The following RANBP17 variants were observed in gnomAD, a reference collection of about 807,000 sequenced individuals.
The protein encoded by RANBP17 is ran-binding protein 17.
RANBP17 carries 158 observed loss-of-function variants against 141.2 expected under a neutral mutation model. The observed-to-expected ratio is 1.12, with a 90% CI of 0.98 to 1.28. RANBP17 has a LOEUF of 1.28. Among genes scored for constraint, RANBP17 ranks in the 50% most tolerant of loss-of-function variants. The pLI, the probability that RANBP17 is intolerant of heterozygous loss-of-function variation, is 0.00. For synonymous variants in RANBP17, 430 were observed against 450.0 expected (o/e 0.96, Z 0.56); for missense variants, 1,438 against 1,290.7 (o/e 1.11, Z -1.75).
At chr5:171,249,176 C>A (rs1385394539) in intron 24 of RANBP17, among the ~76,000 whole-genome samples, 1 of 152,178 alleles carries the variant, frequency 6.6e-6, no homozygotes, top group African/African-American at 2.4e-5. Flanking sequence ...ATGCTACTTA[C>A]AACCAAAGAA....
intron 3 of RANBP17, 93 bp downstream of exon 3, chr5:170,881,989 A>G (rs985947822): frequency 2.9e-6 from 2 of 694,466 alleles, no homozygotes; most frequent in Admixed American, 3.2e-5. Flanking sequence ...CAAATTTTTT[A>G]TGTCTGTCAT....
intron 14 of RANBP17, among the ~76,000 whole-genome samples, chr5:171,104,851 G>C (rs1197303823): frequency 6.6e-6 from 1 of 152,152 alleles, no homozygotes; most frequent in Non-Finnish European, 1.5e-5. Context: ...GGATGTTTCT[G>C]TTGATGATGT....
At chr5:171,082,447 C>A (rs1388004993) in intron 14 of RANBP17, among the ~76,000 whole-genome samples, 1 of 152,030 alleles carries the variant, frequency 6.6e-6, no homozygotes, top group Non-Finnish European at 1.5e-5. Flanking sequence ...GAGGATGATC[C>A]TTAGGCAATC....
chr5:171,055,527 A>T (rs1476061005), intron 14 of RANBP17, among the ~76,000 whole-genome samples: 1 of 152,198 alleles, frequency 6.6e-6, no homozygotes, highest in Non-Finnish European at 1.5e-5. Flanking sequence ...TATGCTTTTT[A>T]AATTGGCTTT....
chr5:171,088,574 A>C (rs866321197), intron 14 of RANBP17, among the ~76,000 whole-genome samples: 25 of 152,184 alleles, frequency 1.6e-4, no homozygotes, highest in South Asian at 4.2e-4. Context: ...ACTTGTTTCC[A>C]TTCTCCCCGT....
At chr5:170,996,863 A>T (rs1561969243) in intron 14 of RANBP17, among the ~76,000 whole-genome samples, 1 of 152,160 alleles carries the variant, frequency 6.6e-6, no homozygotes, top group Non-Finnish European at 1.5e-5. Context: ...ACCCAATTAC[A>T]GTTAAGTCCC....
At chr5:171,072,065 G>T (rs1016180501) in intron 14 of RANBP17, among the ~76,000 whole-genome samples, 1 of 151,988 alleles carries the variant, frequency 6.6e-6, no homozygotes, top group Non-Finnish European at 1.5e-5. Context: ...GAAGAATAAT[G>T]CCCCCACACC....
chr5:171,169,582 A>G (rs184882388), intron 14 of RANBP17, among the ~76,000 whole-genome samples: 3 of 152,316 alleles, frequency 2.0e-5, no homozygotes, highest in Non-Finnish European at 2.9e-5. Context: ...CAGTGTCAAC[A>G]TGAAAAGTAA....
intron 14 of RANBP17, among the ~76,000 whole-genome samples, chr5:171,081,214 A>G (rs1039723623): frequency 7.2e-5 from 11 of 152,134 alleles, no homozygotes; most frequent in Admixed American, 5.2e-4. Flanking sequence ...TTTCTTCGGT[A>G]GTGGTATCTC....
Position 171,186,694 on chromosome 5 carries a change from G to A in RANBP17, c.2038+3264G>A, listed in dbSNP as rs927395362. Among the ~76,000 whole-genome samples, 9 of 149,844 alleles carry A rather than the reference G, an allele frequency of 6.0e-5. No homozygotes were observed. The South Asian group carries it at 6.5e-4, about 11-fold the overall frequency. On this transcript the variant is annotated intron_variant, in intron 18 of 27. Coordinates refer to ENST00000523189, the MANE Select transcript of RANBP17 (RefSeq NM_022897.5). ...TGGGACTACAGGCGCCCGCCACTAC[G>A]CCCGGCTAATTTTTTGTATTTTTAG...
rs1362608328 is a variant in RANBP17 at position 170,911,228 on chromosome 5, A to AT, written c.760+96dup. On this transcript the variant is annotated intron_variant, in intron 7 of 27. Transcript: ENST00000523189. Reference sequence around the variant, plus strand: ...ATGTATAGTTATCTTTTTGCCAGGAATTAAAAAAATAGCTCAAATGGATTT... The same window carrying AT: ...ATGTATAGTTATCTTTTTGCCAGGAATTTAAAAAAATAGCTCAAATGGATTT... 111 of 1,130,596 alleles carry AT rather than the reference A, an allele frequency of 9.8e-5. 2 individuals carry two copies. Among genetic ancestry groups the AT allele is most frequent in the South Asian group, 4.8e-4 (32 of 67,106 alleles). The allele number at this position is 1,130,596 out of a possible 1,614,324, so 70.0% of individuals were successfully genotyped here. A position where few individuals can be genotyped will look rare whatever the true frequency, so the allele number is the denominator to read the frequency against.
intron 14 of RANBP17, among the ~76,000 whole-genome samples, chr5:171,096,590 A>C (rs61367262): frequency 6.6e-6 from 1 of 152,196 alleles, no homozygotes; most frequent in African/African-American, 2.4e-5. Context: ...TACACAGTAG[A>C]TCTAAAGAGA....
At chr5:170,996,446 A>T (rs2127571218) in intron 14 of RANBP17, among the ~76,000 whole-genome samples, 1 of 152,226 alleles carries the variant, frequency 6.6e-6, no homozygotes, top group East Asian at 1.9e-4. Flanking sequence ...TGAAATTGGG[A>T]TTTGTTTTAT....
intron 12 of RANBP17, among the ~76,000 whole-genome samples, chr5:170,943,398 G>A (rs188814795): frequency 4.7e-4 from 71 of 152,174 alleles, no homozygotes; most frequent in Non-Finnish European, 7.4e-4. Context: ...ACAATAATCC[G>A]TAAGAAATAG....
At chr5:170,922,267 A>C (rs1581152802) in intron 11 of RANBP17, among the ~76,000 whole-genome samples, 1 of 152,158 alleles carries the variant, frequency 6.6e-6, no homozygotes, top group African/African-American at 2.4e-5. Context: ...GGTGTTTCCC[A>C]GTCAGGCTAC....
At chr5:170,865,780 A>T (rs192403697) in intron 1 of RANBP17, among the ~76,000 whole-genome samples, 61 of 152,306 alleles carry the variant, frequency 4.0e-4, no homozygotes, top group African/African-American at 1.3e-3. Flanking sequence ...CCTCAGGTTC[A>T]GTAGTTGACT....
chr5:170,940,892 G>C (rs1377527766), intron 12 of RANBP17, among the ~76,000 whole-genome samples: 1 of 151,276 alleles, frequency 6.6e-6, no homozygotes, highest in East Asian at 1.9e-4. Context: ...CAGTGTCATA[G>C]AGACCACTTT....
At chr5:171,121,437 C>T (rs561963698) in intron 14 of RANBP17, among the ~76,000 whole-genome samples, 1 of 152,304 alleles carries the variant, frequency 6.6e-6, no homozygotes, top group East Asian at 1.9e-4. Flanking sequence ...GGCACAGGGC[C>T]GTCGCGCAGG....
chr5:170,890,434 CTA>C (rs1409990865), intron 3 of RANBP17, among the ~76,000 whole-genome samples: 2 of 151,882 alleles, frequency 1.3e-5, no homozygotes, highest in South Asian at 2.1e-4. Context: ...TATTGTATAA[CTA>C]TTTTAATATT....
Sources: gnomAD v4.1 joint callset for allele counts (sites outside exome capture counted in the v4.1 genomes callset) on GRCh38, gnomAD v4.1.1 for gene constraint, MANE v1.5 for transcripts, NCBI Gene and HGNC (gene_info 2026-07-23, HGNC 2026-07-21) for gene names.